Variants in GATAD2B observed in about 807,000 individuals in gnomAD.
GATAD2B encodes the protein GATA zinc finger domain containing 2B.
A neutral mutation model predicts 64.3 loss-of-function variants in GATAD2B; 8 were observed. That is an observed-to-expected ratio of 0.12 (90% CI 0.07 to 0.22). The LOEUF (loss-of-function observed/expected upper bound fraction) is 0.22, where lower values mean the gene tolerates loss of function less well. GATAD2B is among the 10% of genes least tolerant of loss of function. GATAD2B has a pLI of 1.00. For synonymous variants in GATAD2B, 281 were observed against 271.3 expected (o/e 1.04, Z -0.35); for missense variants, 453 against 752.0 (o/e 0.60, Z 4.65).
At chr1:153,895,154 G>A (rs910768729) in intron 1 of GATAD2B, among the ~76,000 whole-genome samples, 3 of 151,526 alleles carry the variant, frequency 2.0e-5, no homozygotes, top group Non-Finnish European at 2.9e-5. Context: ...GCGAAGCTCC[G>A]TCTCAAAAAC....
At chr1:153,853,640 T>C (rs995786953) in intron 1 of GATAD2B, among the ~76,000 whole-genome samples, 2 of 152,216 alleles carry the variant, frequency 1.3e-5, no homozygotes, top group African/African-American at 4.8e-5. Context: ...CTTGCTTTTG[T>C]TGCCTGTGTT....
chr1:153,888,552 G>A (rs928381070), intron 1 of GATAD2B, among the ~76,000 whole-genome samples: 2 of 152,188 alleles, frequency 1.3e-5, no homozygotes, highest in African/African-American at 4.8e-5. Context: ...GGGGGACCAA[G>A]TTCTTTTTAG....
rs1674496578 is a variant in GATAD2B at position 153,816,823 on chromosome 1, C to A, written c.901-235G>T. Among the ~76,000 whole-genome samples the A allele has an allele frequency of 6.6e-6, 1 of 152,190 alleles. No homozygotes were observed. The highest frequency in any genetic ancestry group is 2.4e-5 in the African/African-American group (1 of 41,452). ...TAAAGGCCACGCGTGGTGGCTCACG[C>A]CTATAATCTCAGCACTTTGGGAGGC... is the stretch of plus-strand genomic sequence containing the variant. On this transcript the variant is annotated intron_variant, in intron 6 of 10. Transcript: ENST00000368655. The surrounding 1 kb of genome is among the most constrained non-coding windows in gnomAD (Gnocchi z 4.9).
At chr1:153,857,890 T>C (rs562733783) in intron 1 of GATAD2B, among the ~76,000 whole-genome samples, 1 of 152,332 alleles carries the variant, frequency 6.6e-6, no homozygotes, top group Admixed American at 6.5e-5. Flanking sequence ...AACTTCCATC[T>C]CATTGAAGAG....
rs142233574 is a variant in GATAD2B, at chr1:153,905,939, C to T, written c.-2+16794G>A. Among the ~76,000 whole-genome samples, 295 of 150,402 alleles carry T rather than the reference C, an allele frequency of 2.0e-3. 1 individual carries two copies. The highest frequency in any genetic ancestry group is 2.6e-3 in the Non-Finnish European group (173 of 67,662). On this transcript the variant is annotated intron_variant, in intron 1 of 10. Transcript: ENST00000368655. ...AAAATTAGCTGGGTGTGGTGGCATA[C>T]ATCTGTAATCTCAGCTACTAGGGAG...
intron 1 of GATAD2B, among the ~76,000 whole-genome samples, chr1:153,830,486 T>A (rs868372217): frequency 5.3e-4 from 57 of 107,974 alleles, no homozygotes; most frequent in African/African-American, 1.9e-3. Flanking sequence ...TTATTTATTT[T>A]TTTTTTTGAG....
chr1:153,916,524 T>C (rs1266668195), intron 1 of GATAD2B, among the ~76,000 whole-genome samples: 1 of 152,156 alleles, frequency 6.6e-6, no homozygotes, highest in Non-Finnish European at 1.5e-5. Context: ...GAGTACCAAC[T>C]TGATACAAAG....
chr1:153,912,115 T>C (rs1333799642), intron 1 of GATAD2B, among the ~76,000 whole-genome samples: 1 of 152,206 alleles, frequency 6.6e-6, no homozygotes, highest in Non-Finnish European at 1.5e-5. Context: ...TTGACAAAGT[T>C]AGGAACTTAC....
chr1:153,872,972 C>CT (rs994132222), intron 1 of GATAD2B, among the ~76,000 whole-genome samples: 3,806 of 146,110 alleles, frequency 0.026, 114 homozygotes, highest in African/African-American at 0.075. Context: ...TTAAATGAAA[C>CT]TTTTTTTTTT....
intron 1 of GATAD2B, among the ~76,000 whole-genome samples, chr1:153,919,444 G>A (rs1385798748): frequency 1.3e-5 from 2 of 151,990 alleles, no homozygotes; most frequent in South Asian, 4.2e-4. Flanking sequence ...CATGAGGAGG[G>A]GTCTGTTTCA....
intron 1 of GATAD2B, among the ~76,000 whole-genome samples, chr1:153,846,554 GTTC>G (rs1162168338): frequency 6.4e-4 from 84 of 132,280 alleles, no homozygotes; most frequent in East Asian, 2.0e-3. Flanking sequence ...TGTTCTTTGC[GTTC>G]TTTTTTTTTT....
In GATAD2B at chr1:153,857,316, C is replaced by T. The variant is rs1481774483; in HGVS notation, c.-1-28968G>A. On this transcript the variant is annotated intron_variant, in intron 1 of 10. Transcript: ENST00000368655. ...CAAAATTTAGCTGGGTGTGGTGGTG[C>T]GCACTTGGAGTCCCAGCTACTCGGG... Among the ~76,000 whole-genome samples, 8 of 151,898 alleles carry T rather than the reference C, an allele frequency of 5.3e-5. No individual in the cohort carries two copies. In the East Asian group the frequency reaches 5.8e-4, roughly 11 times the overall value.
At chr1:153,844,425 A>T (rs1675612273) in intron 1 of GATAD2B, among the ~76,000 whole-genome samples, 1 of 151,680 alleles carries the variant, frequency 6.6e-6, no homozygotes. Context: ...AAATTATAAA[A>T]AAAAAAAAAA....
At position 153,817,510 on chromosome 1, in the gene GATAD2B, G is replaced by A; in HGVS notation, c.762C>T (p.Thr254=). The A allele has an allele frequency of 6.2e-7, 1 of 1,606,842 alleles. No individual in the cohort carries two copies. Among genetic ancestry groups the A allele is most frequent in the South Asian group, 1.1e-5 (1 of 89,632 alleles). The change falls in exon 6 of 11, where the codon ACC becomes ACT. Residue 254 remains threonine (T), a synonymous_variant. Transcript: ENST00000368655. ...GAGACATCAACATGTGTGGAAGGGT[G>A]GTATTGGTAGCTGAACGGATGACAC... ...GHSVIRSATN[T]TLPHMLMSQR... is the part of the protein sequence containing the mutation.
At position 153,819,719 on chromosome 1, in the gene GATAD2B, T is replaced by C. The variant is rs1381662358; in HGVS notation, c.352A>G (p.Arg118Gly). The change falls in exon 3 of 11, where the codon AGG becomes GGG. Residue 118 changes from arginine to glycine, a missense_variant. Physicochemically the swap from Arg to Gly is moderately radical, Grantham distance 125. Transcript: ENST00000368655. ...ATGATGTCTGGTGAGGGAGTTAGCC[T>C]TCCTCGCTCTGGCTCACTAGACAAG... ...SARRSEPERG[R>G]LTPSPDIIVL... 2 of 1,607,708 alleles carry C rather than the reference T, an allele frequency of 1.2e-6. No individual in the cohort carries two copies. The highest frequency in any genetic ancestry group is 4.5e-5 in the East Asian group (2 of 44,570).
At chr1:153,854,328 G>A (rs768779570) in intron 1 of GATAD2B, among the ~76,000 whole-genome samples, 18 of 152,074 alleles carry the variant, frequency 1.2e-4, no homozygotes, top group Admixed American at 7.9e-4. Context: ...GTGTGAACCC[G>A]GGAGGTGGAG....
intron 1 of GATAD2B, among the ~76,000 whole-genome samples, chr1:153,834,197 G>T (rs955446083): frequency 1.3e-5 from 2 of 150,902 alleles, no homozygotes; most frequent in Non-Finnish European, 3.0e-5. Flanking sequence ...ATAGAGATGG[G>T]GTTTCACCGT....
intron 1 of GATAD2B, among the ~76,000 whole-genome samples, chr1:153,922,306 G>A (rs1319178307): frequency 6.6e-6 from 1 of 151,088 alleles, no homozygotes; most frequent in Non-Finnish European, 1.5e-5. Context: ...AAAAGGGGGG[G>A]GCGCGCTAGA....
At chr1:153,818,759 TC>T in intron 4 of GATAD2B, 31 bp downstream of exon 4, 1 of 1,600,558 alleles carries the variant, frequency 6.2e-7, no homozygotes, top group African/African-American at 1.3e-5. Context: ...TTCTTTCCTT[TC>T]CCTTAGTCCC....
Sources: allele counts gnomAD v4.1 joint callset (sites outside exome capture counted in the v4.1 genomes callset), GRCh38; gene constraint gnomAD v4.1.1; non-coding constraint Gnocchi (gnomAD v3.1); transcripts MANE v1.5; gene names NCBI Gene and HGNC (gene_info 2026-07-23, HGNC 2026-07-21).